Variants in RHBDD1 observed in about 807,000 individuals in gnomAD.
The protein encoded by RHBDD1 is rhomboid-related protein 4.
Under a neutral mutation model 36.3 loss-of-function variants are expected in RHBDD1, and 38 were observed. The observed-to-expected ratio is 1.05, with a 90% CI of 0.81 to 1.37. The LOEUF (loss-of-function observed/expected upper bound fraction) is 1.37, where lower values mean the gene tolerates loss of function less well. RHBDD1 is among the 40% of genes most tolerant of loss of function. RHBDD1 has a pLI of 0.00. For missense variants in RHBDD1, 393 were observed against 377.6 expected, an observed-to-expected ratio of 1.04 and a Z score of -0.34; for synonymous variants, 151 against 136.5, an observed-to-expected ratio of 1.11 and a Z score of -0.74.
chr2:226,854,299 A>G (rs1314939458), intron 3 of RHBDD1, among the ~76,000 whole-genome samples: 1 of 152,102 alleles, frequency 6.6e-6, no homozygotes, highest in African/African-American at 2.4e-5. Context: ...TTGATTAACA[A>G]CTTAACCTAA....
chr2:226,890,594 G>A (rs1946598874), intron 5 of RHBDD1, among the ~76,000 whole-genome samples: 1 of 152,138 alleles, frequency 6.6e-6, no homozygotes. Flanking sequence ...TAATGCCTCT[G>A]TCATCTTTTG....
At chr2:226,954,998 G>A (rs1387762806) in intron 8 of RHBDD1, among the ~76,000 whole-genome samples, 3 of 151,956 alleles carry the variant, frequency 2.0e-5, no homozygotes, top group Admixed American at 6.6e-5. Context: ...CGAGGTGGGG[G>A]AGAGATTGGT....
At chr2:226,960,866 C>CA (rs1952145373) in intron 8 of RHBDD1, among the ~76,000 whole-genome samples, 1 of 152,120 alleles carries the variant, frequency 6.6e-6, no homozygotes, top group Non-Finnish European at 1.5e-5. Context: ...GGACCTTGTA[C>CA]AATAAGCATA....
intron 3 of RHBDD1, among the ~76,000 whole-genome samples, chr2:226,854,549 G>A (rs1197771250): frequency 2.0e-5 from 3 of 146,818 alleles, no homozygotes; most frequent in East Asian, 2.0e-4. Flanking sequence ...AGCCAAGATC[G>A]CAGATCGCAC....
intron 8 of RHBDD1, among the ~76,000 whole-genome samples, chr2:226,982,181 C>T (rs1355397895): frequency 6.6e-6 from 1 of 152,240 alleles, no homozygotes; most frequent in East Asian, 1.9e-4. Flanking sequence ...CTCAGCCCTG[C>T]CCCTAATGAT....
chr2:226,864,294 A>G (rs777236982), intron 3 of RHBDD1, among the ~76,000 whole-genome samples: 5 of 152,134 alleles, frequency 3.3e-5, no homozygotes, highest in Non-Finnish European at 7.4e-5. Flanking sequence ...CTATCTTTGT[A>G]GGTTTTTCAT....
upstream of RHBDD1, among the ~76,000 whole-genome samples, chr2:226,831,284 A>C (rs2124864651): frequency 6.6e-6 from 1 of 152,306 alleles, no homozygotes; most frequent in South Asian, 2.1e-4. Context: ...GAAAGTATTA[A>C]ATTTCCGTAC....
chr2:226,854,236 G>T (rs1943103426), intron 3 of RHBDD1, among the ~76,000 whole-genome samples: 1 of 152,000 alleles, frequency 6.6e-6, no homozygotes, highest in Non-Finnish European at 1.5e-5. Context: ...CTATGAGGTG[G>T]TCCTTATTAT....
intron 8 of RHBDD1, among the ~76,000 whole-genome samples, chr2:226,953,740 C>T (rs1951589213): frequency 6.6e-6 from 1 of 152,196 alleles, no homozygotes; most frequent in Non-Finnish European, 1.5e-5. Context: ...TGAGAAGCAT[C>T]TGTGAACAAC....
At chr2:226,871,291 T>C (rs2125299477) in intron 5 of RHBDD1, among the ~76,000 whole-genome samples, 1 of 152,296 alleles carries the variant, frequency 6.6e-6, no homozygotes, top group South Asian at 2.1e-4. Flanking sequence ...GATGCACCAT[T>C]TGACAGTAAG....
At chr2:226,867,439 G>A (rs1944431632) in intron 5 of RHBDD1, 121 bp downstream of exon 5, 4 of 1,237,408 alleles carry the variant, frequency 3.2e-6, no homozygotes, top group Non-Finnish European at 4.4e-6. Flanking sequence ...TATCTATTAG[G>A]ACAGAATCAA....
At chr2:226,884,112 A>G (rs1404288446) in intron 5 of RHBDD1, among the ~76,000 whole-genome samples, 1 of 152,180 alleles carries the variant, frequency 6.6e-6, no homozygotes, top group Non-Finnish European at 1.5e-5. Flanking sequence ...GAGATTTCTA[A>G]TGTGTTTACT....
intron 7 of RHBDD1, among the ~76,000 whole-genome samples, chr2:226,909,761 G>C (rs970278616): frequency 3.3e-5 from 5 of 152,078 alleles, no homozygotes; most frequent in Admixed American, 6.6e-5. Context: ...CACTGGCATC[G>C]CAAGCTTCCA....
At chr2:226,807,245 G>A in the RHBDD1 span, among the ~76,000 whole-genome samples, 1 of 152,108 alleles carries the variant, frequency 6.6e-6, no homozygotes, top group Non-Finnish European at 1.5e-5. Context: ...ATAAGTTAGA[G>A]ATTATAAATG....
intron 8 of RHBDD1, among the ~76,000 whole-genome samples, chr2:226,917,198 G>A (rs1948969973): frequency 6.6e-6 from 1 of 151,784 alleles, no homozygotes; most frequent in Non-Finnish European, 1.5e-5. Flanking sequence ...AAAGACACAG[G>A]CTACCTTCAG....
chr2:226,982,281 T>G (rs1219289097), intron 8 of RHBDD1, among the ~76,000 whole-genome samples: 1 of 152,246 alleles, frequency 6.6e-6, no homozygotes, highest in Admixed American at 6.5e-5. Context: ...CTGCAAAAGA[T>G]GGATGCCAGG....
At chr2:226,893,276 A>C (rs1396996636) in intron 5 of RHBDD1, among the ~76,000 whole-genome samples, 2 of 152,228 alleles carry the variant, frequency 1.3e-5, no homozygotes. Flanking sequence ...TCAGGCTATA[A>C]ACAGTCGAAC....
chr2:226,845,804 A>G (rs1942149522), intron 3 of RHBDD1, among the ~76,000 whole-genome samples: 1 of 152,244 alleles, frequency 6.6e-6, no homozygotes. Flanking sequence ...GTGAAAAATA[A>G]TTAAATGCTT....
At chr2:226,906,511 T>C (rs1480661656) in intron 5 of RHBDD1, among the ~76,000 whole-genome samples, 1 of 152,222 alleles carries the variant, frequency 6.6e-6, no homozygotes, top group Non-Finnish European at 1.5e-5. Context: ...TGACTTGTCT[T>C]GACCAAATGC....
Sources: gnomAD v4.1 joint callset for allele counts (sites outside exome capture counted in the v4.1 genomes callset) on GRCh38, gnomAD v4.1.1 for gene constraint, MANE v1.5 for transcripts, NCBI Gene and HGNC (gene_info 2026-07-23, HGNC 2026-07-21) for gene names.